ZNF277: variants seen among roughly 807,000 people sequenced by gnomAD.
ZNF277 encodes nuclear receptor-interacting factor 4.
A neutral mutation model predicts 60.7 loss-of-function variants in ZNF277; 55 were observed. The observed-to-expected ratio is 0.91, with a 90% CI of 0.73 to 1.13. ZNF277 has a LOEUF of 1.13. Among genes scored for constraint, ZNF277 ranks in the 50% most tolerant of loss-of-function variants. The probability of loss-of-function intolerance (pLI) is 0.00; values close to 1 mark genes in which losing one functional copy is unlikely to be tolerated. For synonymous variants in ZNF277, 178 were observed against 179.3 expected, an observed-to-expected ratio of 0.99 and a Z score of 0.06; for missense variants, 510 against 523.0, an observed-to-expected ratio of 0.98 and a Z score of 0.24.
At chr7:112,221,891 T>C (rs1822040957) in intron 1 of ZNF277, among the ~76,000 whole-genome samples, 1 of 152,248 alleles carries the variant, frequency 6.6e-6, no homozygotes, top group Admixed American at 6.5e-5. Context: ...ATTCCTTCTA[T>C]GCTTTTAATC....
chr7:112,243,550 A>C (rs1381801645), intron 1 of ZNF277, among the ~76,000 whole-genome samples: 1 of 151,868 alleles, frequency 6.6e-6, no homozygotes, highest in African/African-American at 2.4e-5. Flanking sequence ...AAGAAGACAT[A>C]CAAATGGCCA....
chr7:112,269,312 T>C (rs1262953838), intron 1 of ZNF277, among the ~76,000 whole-genome samples: 1 of 151,970 alleles, frequency 6.6e-6, no homozygotes, highest in East Asian at 1.9e-4. Flanking sequence ...AATCATAAGA[T>C]GGGGAATCTT....
At chr7:112,302,550 A>G (rs557161611) in intron 4 of ZNF277, among the ~76,000 whole-genome samples, 40 of 152,256 alleles carry the variant, frequency 2.6e-4, no homozygotes, top group Non-Finnish European at 4.7e-4. Context: ...TTAACAGTGC[A>G]ACAGAGATCA....
rs112405846 is a variant in ZNF277, at chr7:112,273,940, A to G, written c.92-12933A>G. 7.5e-4 allele frequency among the ~76,000 whole-genome samples: 114 copies of G among 152,176 alleles called. 2 individuals are homozygous for G. The highest frequency in any genetic ancestry group is 2.7e-3 in the African/African-American group (111 of 41,500). On this transcript the variant is annotated intron_variant, in intron 1 of 11. Transcript: ENST00000361822. ...TCAGCTAAGACTTGCCTAATTTAAGAAAGTTTCTATCTCATATACTAGAAC... is the reference window on the plus strand; with the variant it reads ...TCAGCTAAGACTTGCCTAATTTAAGGAAGTTTCTATCTCATATACTAGAAC...
At position 112,310,760 on chromosome 7, in the gene ZNF277, A is replaced by G. The variant is rs1234292918; in HGVS notation, c.466-7422A>G. 2.0e-5 allele frequency among the ~76,000 whole-genome samples: 3 copies of G among 152,084 alleles called. No individual in the cohort carries two copies. In the East Asian group the frequency reaches 5.8e-4, roughly 29 times the overall value. ...CATGAGGAGATTTGTTGTGTTCTAT[A>G]TTGGAGGAGTGCCACTGGACTCCTA... is the stretch of plus-strand genomic sequence containing the variant. On this transcript the variant is annotated intron_variant, in intron 4 of 11. Transcript: ENST00000361822.
chr7:112,269,924 T>C (rs1188520989), intron 1 of ZNF277, among the ~76,000 whole-genome samples: 1 of 152,102 alleles, frequency 6.6e-6, no homozygotes, highest in East Asian at 1.9e-4. Context: ...CATATTTGTG[T>C]TGCTGAAAAA....
At chr7:112,276,798 A>G (rs1377782526) in intron 1 of ZNF277, among the ~76,000 whole-genome samples, 1 of 152,148 alleles carries the variant, frequency 6.6e-6, no homozygotes, top group Non-Finnish European at 1.5e-5. Context: ...TAAGAATTAC[A>G]TTTACCAAGG....
chr7:112,231,149 G>T (rs1161088595), intron 1 of ZNF277, among the ~76,000 whole-genome samples: 2 of 151,444 alleles, frequency 1.3e-5, no homozygotes, highest in Admixed American at 6.6e-5. Flanking sequence ...GGGAGGCGGA[G>T]GTTGCAGTGA....
intron 5 of ZNF277, among the ~76,000 whole-genome samples, chr7:112,319,874 G>C (rs1044817754): frequency 1.3e-5 from 2 of 151,552 alleles, no homozygotes; most frequent in African/African-American, 4.8e-5. Context: ...TAACAATAAA[G>C]GCTGGTCTTA....
intron 1 of ZNF277, among the ~76,000 whole-genome samples, chr7:112,239,041 G>T (rs1056013179): frequency 6.6e-6 from 1 of 152,064 alleles, no homozygotes; most frequent in Non-Finnish European, 1.5e-5. Flanking sequence ...ATAAACATCA[G>T]CAATAGCCAG....
intron 1 of ZNF277, among the ~76,000 whole-genome samples, chr7:112,283,080 A>G (rs1791983907): frequency 6.6e-6 from 1 of 152,358 alleles, no homozygotes; most frequent in East Asian, 1.9e-4. Context: ...TTGCCTTCTA[A>G]GGGCTAACAG....
chr7:112,302,631 G>T (rs1390226924), intron 4 of ZNF277, among the ~76,000 whole-genome samples: 2 of 151,986 alleles, frequency 1.3e-5, no homozygotes, highest in Non-Finnish European at 2.9e-5. Context: ...GAAACAAATG[G>T]TAATCACAAT....
chr7:112,304,662 GA>G (rs1050911976), intron 4 of ZNF277, among the ~76,000 whole-genome samples: 1 of 151,926 alleles, frequency 6.6e-6, no homozygotes. Flanking sequence ...GGATGTGATA[GA>G]AAAAAATAAT....
intron 5 of ZNF277, among the ~76,000 whole-genome samples, chr7:112,320,783 C>A (rs969284952): frequency 6.6e-6 from 1 of 151,872 alleles, no homozygotes; most frequent in African/African-American, 2.4e-5. Context: ...CTAATAAGAT[C>A]ACATTTACTT....
intron 1 of ZNF277, among the ~76,000 whole-genome samples, chr7:112,284,850 G>A (rs1159426787): frequency 6.6e-6 from 1 of 151,908 alleles, no homozygotes; most frequent in Admixed American, 6.6e-5. Context: ...CGCTGCTGCT[G>A]TAAACCCTGT....
intron 1 of ZNF277, among the ~76,000 whole-genome samples, chr7:112,283,281 A>C (rs1488595091): frequency 6.6e-6 from 1 of 152,242 alleles, no homozygotes; most frequent in African/African-American, 2.4e-5. Context: ...TAATCCCAGC[A>C]CTTTGGGAGG....
chr7:112,324,315 T>C lies in ZNF277; in HGVS notation c.558-3402T>C, dbSNP rs143124389. ...ATTGCACTGAAAGTAAAAAACAAAA[T>C]AGTTGTATGGGTACTCAAAGTACAG... On this transcript the variant is annotated intron_variant, in intron 5 of 11. Coordinates refer to ENST00000361822, the MANE Select transcript of ZNF277 (RefSeq NM_021994.3). Among the ~76,000 whole-genome samples the C allele has an allele frequency of 3.3e-5, 5 of 152,226 alleles. No homozygotes were observed. In the East Asian group the frequency reaches 9.7e-4, roughly 29 times the overall value.
intron 4 of ZNF277, among the ~76,000 whole-genome samples, chr7:112,297,418 A>G (rs541065406): frequency 7.9e-5 from 12 of 152,170 alleles, no homozygotes; most frequent in Non-Finnish European, 1.6e-4. Context: ...TATAAGAGAG[A>G]GAAATGATTT....
intron 2 of ZNF277, among the ~76,000 whole-genome samples, chr7:112,295,215 C>T (rs1792296958): frequency 6.6e-6 from 1 of 152,142 alleles, no homozygotes; most frequent in Non-Finnish European, 1.5e-5. Context: ...TGTCATCTTA[C>T]TCCCTCTTTC....
Sources: gnomAD v4.1 joint callset for allele counts (sites outside exome capture counted in the v4.1 genomes callset) on GRCh38, gnomAD v4.1.1 for gene constraint, MANE v1.5 for transcripts, NCBI Gene and HGNC (gene_info 2026-07-23, HGNC 2026-07-21) for gene names.